Variants in ATP13A2 observed in about 807,000 individuals in gnomAD.
The protein encoded by ATP13A2 is ATPase cation transporting 13A2.
A neutral mutation model predicts 138.3 loss-of-function variants in ATP13A2; 83 were observed. The ratio of observed to expected loss-of-function variants is 0.60; its 90% CI spans 0.50 to 0.72. ATP13A2 has a LOEUF of 0.72. Among genes scored for constraint, ATP13A2 ranks in the 30% least tolerant of loss-of-function variants. ATP13A2 has a pLI of 0.00. For missense variants in ATP13A2, 1,402 were observed against 1,606.4 expected (o/e 0.87, Z 2.17); for synonymous variants, 663 against 699.0 (o/e 0.95, Z 0.81).
intron 1 of ATP13A2, 74 bp from the exon 2 acceptor site, chr1:17,005,852 A>T: frequency 7.0e-7 from 1 of 1,434,482 alleles, no homozygotes; most frequent in South Asian, 1.2e-5. Context: ...AATAAACATC[A>T]GCCTGGGCGC....
intron 8 of ATP13A2, 89 bp downstream of exon 8, chr1:17,001,945 C>T: frequency 7.3e-7 from 1 of 1,379,246 alleles, no homozygotes. Context: ...CTGGTTGCCA[C>T]CGTAAAGTGG....
At chr1:16,989,865 A>AGGGAGCTGGGGGCGGCCC in intron 22 of ATP13A2, 22 bp downstream of exon 22, 1 of 1,608,924 alleles carries the variant, frequency 6.2e-7, no homozygotes, top group East Asian at 2.2e-5. Flanking sequence ...CAGGGCGGCC[A>AGGGAGCTGGGGGCGGCCC]GGGAGCTGGG....
chr1:16,997,846 A>G (rs537096468), intron 11 of ATP13A2, among the ~76,000 whole-genome samples: 2,912 of 64,256 alleles, frequency 0.045, 45 homozygotes, highest in Non-Finnish European at 0.061. Context: ...GTCTCAAAAG[A>G]GGAGGGGAGG....
chr1:16,997,088 C>T lies in ATP13A2; in HGVS notation c.1127G>A (p.Cys376Tyr). Residue 376 changes from cysteine to tyrosine, a missense_variant, in exon 12 of 29, where the codon TGC (cysteine) becomes TAC (tyrosine). Transcript: ENST00000326735. ...CCGGGCCTGCAAGATGAGGGTCCCGCAGAAGAGTGTGTGCCGCCGGTGTGT... is the reference window on the plus strand; with the variant it reads ...CCGGGCCTGCAAGATGAGGGTCCCGTAGAAGAGTGTGTGCCGCCGGTGTGT... ...AETHRRHTLF[C>Y]GTLILQARAY... 1 of 1,613,682 alleles carries T rather than the reference C, an allele frequency of 6.2e-7. No homozygotes were observed. The highest frequency in any genetic ancestry group is 8.5e-7 in the Non-Finnish European group (1 of 1,180,024).
In ATP13A2 at chr1:16,990,154, C is replaced by T. The variant is rs774130460; in HGVS notation, c.2385G>A (p.Glu795=). 1.9e-6 allele frequency: 3 copies of T among 1,614,188 alleles called. No homozygotes were observed. The highest frequency in any genetic ancestry group is 2.5e-6 in the Non-Finnish European group (3 of 1,180,032). The change falls in exon 21 of 29, where the codon GAG becomes GAA. Residue 795 remains glutamate, a synonymous_variant. Transcript: ENST00000326735. The part of the protein sequence containing the change: ...QPASLEFLPM[E]SPTAVNGVKD... ...TAACGCCATTCACGGCTGTGGGGGA[C>T]TCCATCGGCAGGAACTCGAGAGAGG...
intron 16 of ATP13A2, 118 bp from the exon 17 acceptor site, chr1:16,992,699 TTTGG>T: frequency 1.9e-6 from 2 of 1,076,232 alleles, no homozygotes; most frequent in Non-Finnish European, 2.8e-6. Flanking sequence ...GAATGTGGGC[TTTGG>T]AGCCCGGTGG....
chr1:16,989,828 G>A, intron 22 of ATP13A2, 58 bp from the exon 23 acceptor site: 2 of 1,611,604 alleles, frequency 1.2e-6, no homozygotes, highest in African/African-American at 1.3e-5. Context: ...AGCGAGCCGT[G>A]AGGAAGGAGA....
chr1:17,011,836 C>A lies in ATP13A2; in HGVS notation c.-98G>T, dbSNP rs2077811949. The A allele has an allele frequency of 2.8e-6, 3 of 1,068,454 alleles. No individual in the cohort carries two copies. The highest frequency in any genetic ancestry group is 9.0e-5 in the South Asian group (2 of 22,196). 66.2% of individuals were successfully genotyped at this position (1,068,454 alleles called of 1,614,324 possible). ...TGGGCGGGGGCGCGGTCCGGACGGC[C>A]CGGGGCGAGGGGCGCTGGGCTAGCG... On this transcript the variant is annotated 5_prime_UTR_variant, in exon 1 of 29. Coordinates refer to ENST00000326735, the MANE Select transcript of ATP13A2 (RefSeq NM_022089.4). The surrounding 1 kb of genome is among the most constrained non-coding windows in gnomAD (Gnocchi z 7.3).
chr1:17,005,319 C>T, intron 3 of ATP13A2, 55 bp downstream of exon 3: 1 of 1,554,136 alleles, frequency 6.4e-7, no homozygotes, highest in South Asian at 1.2e-5. Context: ...ATCCTCCACC[C>T]CCGACCCTGA....
chr1:17,005,646 C>T (rs1342361406), intron 2 of ATP13A2, 38 bp downstream of exon 2: 1 of 1,612,988 alleles, frequency 6.2e-7, no homozygotes, highest in Non-Finnish European at 8.5e-7. Flanking sequence ...GGGCATTCAC[C>T]CCCTGCAGCT....
intron 23 of ATP13A2, 138 bp from the exon 24 acceptor site, chr1:16,988,612 A>AATT (rs948267327): frequency 7.6e-6 from 6 of 790,714 alleles, no homozygotes; most frequent in African/African-American, 1.8e-5. Context: ...GAATAGATGC[A>AATT]ATTATTATTA....
In ATP13A2 at chr1:17,011,253, G is replaced by A. The variant is rs2077777055; in HGVS notation, c.10+476C>T. On this transcript the variant is annotated intron_variant, in intron 1 of 28. Coordinates refer to ENST00000326735, the MANE Select transcript of ATP13A2 (RefSeq NM_022089.4). The surrounding 1 kb of genome is among the most constrained non-coding windows in gnomAD (Gnocchi z 7.3). ...GGTCAGGAGTGGCGCTGTGGCCCAG[G>A]ACATCTACCCAGGAAATGGAGTCCC... Among the ~76,000 whole-genome samples, 1 of 152,096 alleles carries A rather than the reference G, an allele frequency of 6.6e-6. No homozygotes were observed. Among genetic ancestry groups the A allele is most frequent in the African/African-American group, 2.4e-5 (1 of 41,416 alleles).
At position 16,996,010 on chromosome 1, in the gene ATP13A2, A is replaced by C; in HGVS notation, c.1508T>G (p.Leu503Arg). The change falls in exon 15 of 29, where the codon CTG (leucine) becomes CGG (arginine). Residue 503 changes from leucine (L) to arginine (R), a missense_variant. Leu to Arg is a moderately radical substitution (Grantham distance 102). Transcript: ENST00000326735. Reference sequence around the variant, plus strand: ...ACACACCAGCTGCAGCTTGCCCCCCAGGTTGATGCGCAGTGGGTGGATGCA... The same window carrying C: ...ACACACCAGCTGCAGCTTGCCCCCCCGGTTGATGCGCAGTGGGTGGATGCA... ...IFCIHPLRIN[L>R]GGKLQLVCFD... 1 of 1,613,998 alleles carries C rather than the reference A, an allele frequency of 6.2e-7. No homozygotes were observed. Among genetic ancestry groups the C allele is most frequent in the Non-Finnish European group, 8.5e-7 (1 of 1,180,022 alleles).
At chr1:17,005,141 A>G in intron 3 of ATP13A2, 69 bp from the exon 4 acceptor site, 1 of 1,598,452 alleles carries the variant, frequency 6.3e-7, no homozygotes, top group Non-Finnish European at 8.6e-7. Flanking sequence ...TCCTACAGCC[A>G]GGCGGCCCCT....
intron 20 of ATP13A2, among the ~76,000 whole-genome samples, chr1:16,991,203 G>A (rs1289246025): frequency 3.3e-5 from 5 of 152,016 alleles, no homozygotes; most frequent in South Asian, 4.2e-4. Context: ...CGCCCGCGTC[G>A]GCCTCCCAAA....
At chr1:16,998,906 A>G (rs2077238226) in intron 11 of ATP13A2, among the ~76,000 whole-genome samples, 2 of 152,276 alleles carry the variant, frequency 1.3e-5, no homozygotes, top group Non-Finnish European at 2.9e-5. Flanking sequence ...CACACACGTA[A>G]TGCAGAAAAA....
At chr1:17,007,708 C>A (rs1427251162) in intron 1 of ATP13A2, among the ~76,000 whole-genome samples, 2 of 151,976 alleles carry the variant, frequency 1.3e-5, no homozygotes, top group Non-Finnish European at 2.9e-5. Flanking sequence ...CCCGCCACCA[C>A]GCCCGGCTAA....
In ATP13A2 at chr1:16,995,800, A is replaced by AC; in HGVS notation, c.1542+175dup. ...TGATTCTAGACATTTCATCTGCCAG[A>AC]CCGTGAGCCCAGTGAGGGCAGGAGT... On this transcript the variant is annotated intron_variant, in intron 15 of 28. Coordinates refer to ENST00000326735, the MANE Select transcript of ATP13A2 (RefSeq NM_022089.4). This position sits in a 1 kb window ranked among gnomAD's most constrained non-coding sequence, Gnocchi z 4.1. 1 of 806,754 alleles carries AC rather than the reference A, an allele frequency of 1.2e-6. No homozygotes were observed. The highest frequency in any genetic ancestry group is 2.1e-6 in the Non-Finnish European group (1 of 482,490). 50.0% of individuals were successfully genotyped at this position (806,754 alleles called of 1,614,324 possible).
In ATP13A2 at chr1:16,995,813, T is replaced by G. The variant is rs767375520; in HGVS notation, c.1542+163A>C. On this transcript the variant is annotated intron_variant, in intron 15 of 28. Transcript: ENST00000326735. The surrounding 1 kb of genome is among the most constrained non-coding windows in gnomAD (Gnocchi z 4.1). ...TTCATCTGCCAGACCGTGAGCCCAG[T>G]GAGGGCAGGAGTGGGATGGGGTGGA... 16 of 845,982 alleles carry G rather than the reference T, an allele frequency of 1.9e-5. No homozygotes were observed. In the African/African-American group the frequency reaches 2.2e-4, roughly 11 times the overall value. The allele number at this position is 845,982 out of a possible 1,614,324, so 52.4% of individuals were successfully genotyped here. A position where few individuals can be genotyped will look rare whatever the true frequency, so the allele number is the denominator to read the frequency against.
Sources: gnomAD v4.1 joint callset for allele counts (sites outside exome capture counted in the v4.1 genomes callset) on GRCh38, gnomAD v4.1.1 for gene constraint, Gnocchi (gnomAD v3.1) non-coding constraint, MANE v1.5 for transcripts, NCBI Gene and HGNC (gene_info 2026-07-23, HGNC 2026-07-21) for gene names.